KCNB2: variants seen among roughly 807,000 people sequenced by gnomAD.
The protein encoded by KCNB2 is potassium voltage-gated channel subfamily B member 2.
A neutral mutation model predicts 61.5 loss-of-function variants in KCNB2; 15 were observed. The ratio of observed to expected loss-of-function variants is 0.24; its 90% CI spans 0.16 to 0.38. The LOEUF (loss-of-function observed/expected upper bound fraction) is 0.38, where lower values mean the gene tolerates loss of function less well. KCNB2 is among the 10% of genes least tolerant of loss of function. KCNB2 has a pLI of 1.00. For missense variants in KCNB2, 828 were observed against 1,125.2 expected (o/e 0.74, Z 3.78); for synonymous variants, 457 against 446.0 (o/e 1.02, Z -0.31).
At position 72,936,976 on chromosome 8, in the gene KCNB2, G is replaced by A; in HGVS notation, c.1621G>A (p.Glu541Lys). 1 of 1,614,132 alleles carries A rather than the reference G, an allele frequency of 6.2e-7. No homozygotes were observed. The highest frequency in any genetic ancestry group is 1.7e-5 in the Admixed American group (1 of 60,020). The stretch of plus-strand genomic sequence containing the variant: ...ACAGCATCTGAGTGCCCAGAAACTG[G>A]AGATGCTATACAATGAAATCACCAA... ...SPQHLSAQKL[E>K]MLYNEITKTQ... is the part of the protein sequence containing the mutation. Residue 541 changes from glutamate (E) to lysine (K), a missense_variant, in exon 3 of 3, where the codon GAG (glutamate) becomes AAG (lysine). Transcript: ENST00000523207. This position sits in a 1 kb window ranked among gnomAD's most constrained non-coding sequence, Gnocchi z 5.6.
At chr8:72,577,486 C>T (rs182337240) in intron 2 of KCNB2, among the ~76,000 whole-genome samples, 1 of 152,106 alleles carries the variant, frequency 6.6e-6, no homozygotes, top group East Asian at 1.9e-4. Context: ...GACAGTCAGC[C>T]CATTCAGAAT....
intron 2 of KCNB2, among the ~76,000 whole-genome samples, chr8:72,869,903 C>A (rs577498477): frequency 2.0e-5 from 3 of 152,262 alleles, no homozygotes; most frequent in South Asian, 2.1e-4. Context: ...CTATTCACTG[C>A]GGTATTATTC....
chr8:72,674,746 A>G (rs1806622662), intron 2 of KCNB2, among the ~76,000 whole-genome samples: 1 of 152,210 alleles, frequency 6.6e-6, no homozygotes, highest in Admixed American at 6.5e-5. Flanking sequence ...TGACTGCTAG[A>G]GAAGGGTAGA....
intron 2 of KCNB2, among the ~76,000 whole-genome samples, chr8:72,684,378 A>G (rs1202826045): frequency 6.6e-6 from 1 of 152,252 alleles, no homozygotes; most frequent in East Asian, 1.9e-4. Context: ...TCAGGGCTGC[A>G]GATGTGGCAG....
At chr8:72,838,606 T>G (rs1809823568) in intron 2 of KCNB2, among the ~76,000 whole-genome samples, 1 of 152,246 alleles carries the variant, frequency 6.6e-6, no homozygotes, top group Admixed American at 6.5e-5. Flanking sequence ...GCATGATTTA[T>G]AATCCTTTGG....
chr8:72,608,626 G>T (rs1048247601), intron 2 of KCNB2, among the ~76,000 whole-genome samples: 3 of 152,076 alleles, frequency 2.0e-5, no homozygotes, highest in Non-Finnish European at 4.4e-5. Flanking sequence ...TAGCCTCGGG[G>T]TACCACCAAT....
chr8:72,785,549 A>G (rs1808832877), intron 2 of KCNB2, among the ~76,000 whole-genome samples: 1 of 152,198 alleles, frequency 6.6e-6, no homozygotes, highest in Admixed American at 6.5e-5. Context: ...GGATTTAATA[A>G]TGCTCTTTAA....
At chr8:72,825,280 G>T (rs1014934042) in intron 2 of KCNB2, among the ~76,000 whole-genome samples, 3 of 152,132 alleles carry the variant, frequency 2.0e-5, no homozygotes, top group African/African-American at 7.2e-5. Context: ...ATCACATTTT[G>T]TCTACCCATT....
intron 2 of KCNB2, among the ~76,000 whole-genome samples, chr8:72,785,399 T>C (rs1476168142): frequency 6.6e-6 from 1 of 152,206 alleles, no homozygotes; most frequent in Non-Finnish European, 1.5e-5. Flanking sequence ...TCCCTAGGAC[T>C]GTCAAGTTCA....
chr8:72,907,591 A>G (rs758210468), intron 2 of KCNB2, among the ~76,000 whole-genome samples: 8 of 152,194 alleles, frequency 5.3e-5, no homozygotes, highest in Non-Finnish European at 4.4e-5. Flanking sequence ...GGAGAATTCA[A>G]CCTAGAAGGA....
intron 2 of KCNB2, among the ~76,000 whole-genome samples, chr8:72,726,508 CA>C: frequency 6.6e-6 from 1 of 152,226 alleles, no homozygotes; most frequent in East Asian, 1.9e-4. Flanking sequence ...GGAACATTTT[CA>C]TTATGTTTAA....
chr8:72,693,286 C>T (rs924754111), intron 2 of KCNB2, among the ~76,000 whole-genome samples: 2 of 152,194 alleles, frequency 1.3e-5, no homozygotes, highest in Non-Finnish European at 2.9e-5. Flanking sequence ...TTTCTTACCC[C>T]AGTTTGTCTC....
At chr8:72,788,440 G>A (rs186106748) in intron 2 of KCNB2, among the ~76,000 whole-genome samples, 159 of 152,166 alleles carry the variant, frequency 1.0e-3, no homozygotes, top group African/African-American at 3.5e-3. Flanking sequence ...CAGTCCTATC[G>A]GATTAGGGCC....
chr8:72,615,433 G>A (rs1209883904), intron 2 of KCNB2, among the ~76,000 whole-genome samples: 1 of 152,298 alleles, frequency 6.6e-6, no homozygotes, highest in African/African-American at 2.4e-5. Flanking sequence ...TCAGTTGTAC[G>A]AGAATTCCCT....
intron 2 of KCNB2, among the ~76,000 whole-genome samples, chr8:72,723,696 A>G (rs1289569560): frequency 1.3e-5 from 2 of 152,094 alleles, no homozygotes; most frequent in Non-Finnish European, 2.9e-5. Flanking sequence ...CTCACAATCT[A>G]AGGGCCCCAA....
chr8:72,919,204 A>G (rs1806454792), intron 2 of KCNB2, among the ~76,000 whole-genome samples: 1 of 152,210 alleles, frequency 6.6e-6, no homozygotes, highest in Non-Finnish European at 1.5e-5. Flanking sequence ...ACTTCTTTAC[A>G]TATTTAAGCA....
intron 2 of KCNB2, among the ~76,000 whole-genome samples, chr8:72,777,944 C>T (rs1002731130): frequency 6.6e-6 from 1 of 152,202 alleles, no homozygotes; most frequent in African/African-American, 2.4e-5. Context: ...TTCTCCTATA[C>T]TATCTGTCCC....
intron 2 of KCNB2, chr8:72,618,935 C>G (rs1471840287): frequency 5.9e-6 from 2 of 339,034 alleles, no homozygotes; most frequent in Non-Finnish European, 1.2e-5. Context: ...GAGAAGCATC[C>G]ATGCCTCTGG....
chr8:72,607,110 G>A (rs911744296), intron 2 of KCNB2, among the ~76,000 whole-genome samples: 13 of 152,146 alleles, frequency 8.5e-5, no homozygotes, highest in Non-Finnish European at 5.9e-5. Context: ...TCAAAAATGG[G>A]CCGATGTCTC....
Sources: gnomAD v4.1 joint callset for allele counts (sites outside exome capture counted in the v4.1 genomes callset) on GRCh38, gnomAD v4.1.1 for gene constraint, Gnocchi (gnomAD v3.1) non-coding constraint, MANE v1.5 for transcripts, NCBI Gene and HGNC (gene_info 2026-07-23, HGNC 2026-07-21) for gene names.